ERCC6L2: variants seen among roughly 807,000 people sequenced by gnomAD.
The protein encoded by ERCC6L2 is ERCC excision repair 6 like 2, also known as DNA excision repair protein ERCC-6-like 2.
ERCC6L2 carries 77 observed loss-of-function variants against 132.0 expected under a neutral mutation model. The observed-to-expected ratio is 0.58, with a 90% CI of 0.49 to 0.71. The LOEUF (loss-of-function observed/expected upper bound fraction) is 0.71. ERCC6L2 is among the 30% of genes least tolerant of loss of function. ERCC6L2 has a pLI of 0.00. For synonymous variants in ERCC6L2, 583 were observed against 632.4 expected (o/e 0.92, Z 1.17); for missense variants, 1,542 against 1,837.6 (o/e 0.84, Z 2.94).
At chr9:95,927,460 G>A (rs1174694020) in intron 9 of ERCC6L2, among the ~76,000 whole-genome samples, 2 of 152,132 alleles carry the variant, frequency 1.3e-5, no homozygotes, top group Non-Finnish European at 2.9e-5. Flanking sequence ...TTATACACAA[G>A]GCTTTGGACT....
In ERCC6L2 at chr9:95,897,833, A is replaced by G; in HGVS notation, c.472-16A>G. ...ATACATTATACACAGTGATTGAAAA[A>G]GTCTTTTTTCCCCAGGTTATTTCAT... On this transcript the variant is annotated splice_polypyrimidine_tract_variant and intron_variant, in intron 2 of 18. Transcript: ENST00000653738. 1 of 1,611,964 alleles carries G rather than the reference A, an allele frequency of 6.2e-7. No individual in the cohort carries two copies. The highest frequency in any genetic ancestry group is 8.5e-7 in the Non-Finnish European group (1 of 1,179,162).
At chr9:95,980,731 A>G (rs961016631) in intron 17 of ERCC6L2, among the ~76,000 whole-genome samples, 4 of 152,182 alleles carry the variant, frequency 2.6e-5, no homozygotes, top group Non-Finnish European at 4.4e-5. Flanking sequence ...CAGTTTTGAA[A>G]AAAATTAAAA....
intron 2 of ERCC6L2, among the ~76,000 whole-genome samples, chr9:95,888,210 A>G (rs1432374674): frequency 1.3e-5 from 2 of 151,910 alleles, no homozygotes; most frequent in Non-Finnish European, 2.9e-5. Flanking sequence ...GAAATAGACA[A>G]TTTTTGCTAT....
At chr9:95,963,472 T>G (rs542867492) in intron 13 of ERCC6L2, among the ~76,000 whole-genome samples, 1 of 152,134 alleles carries the variant, frequency 6.6e-6, no homozygotes, top group African/African-American at 2.4e-5. Flanking sequence ...AAAAACCAGT[T>G]TTATGCATTC....
At chr9:96,031,866 T>C (rs1474030709) in intron 19 of ERCC6L2, among the ~76,000 whole-genome samples, 1 of 152,202 alleles carries the variant, frequency 6.6e-6, no homozygotes, top group Non-Finnish European at 1.5e-5. Flanking sequence ...GGGCACATCC[T>C]GAGTGGCCGT....
At chr9:95,995,843 T>C (rs187540200) in intron 17 of ERCC6L2, among the ~76,000 whole-genome samples, 43 of 152,356 alleles carry the variant, frequency 2.8e-4, no homozygotes, top group Non-Finnish European at 4.9e-4. Flanking sequence ...ACTTAATAAA[T>C]GTGTGTGTTC....
At chr9:95,931,722 C>G (rs1365127126) in intron 11 of ERCC6L2, among the ~76,000 whole-genome samples, 1 of 151,854 alleles carries the variant, frequency 6.6e-6, no homozygotes, top group Non-Finnish European at 1.5e-5. Context: ...TTTTTGGGAA[C>G]TCGTAAGAGT....
At chr9:95,934,154 A>G (rs1830460593) in intron 11 of ERCC6L2, among the ~76,000 whole-genome samples, 1 of 152,208 alleles carries the variant, frequency 6.6e-6, no homozygotes, top group Non-Finnish European at 1.5e-5. Context: ...GAGGAAGAGA[A>G]AGAAAATCAT....
Position 95,883,429 on chromosome 9 carries a change from A to G in ERCC6L2, c.471+2136A>G, listed in dbSNP as rs185899502. 1.7e-3 allele frequency among the ~76,000 whole-genome samples: 263 copies of G among 152,340 alleles called. 1 individual carries two copies. The highest frequency in any genetic ancestry group is 6.0e-3 in the African/African-American group (250 of 41,586). ...TAACGCCATCTGTGACCAAGATTAC[A>G]GATGAGTACTAGAGGAAAATTAATA... is the stretch of plus-strand genomic sequence containing the variant. On this transcript the variant is annotated intron_variant, in intron 2 of 18. Transcript: ENST00000653738.
In ERCC6L2 at chr9:95,876,030, C is replaced by A. The variant is rs371970239; in HGVS notation, c.-9C>A. The A allele has an allele frequency of 2.5e-6, 4 of 1,588,110 alleles. No homozygotes were observed. The South Asian group carries it at 3.4e-5, about 14-fold the overall frequency. ...CATGCAGCCGGGCTCGGCCCCTCCC[C>A]CTGGCCGGATGGATCCGTCGGCGCC... On this transcript the variant is annotated 5_prime_UTR_variant, in exon 1 of 19. Coordinates refer to ENST00000653738, the MANE Select transcript of ERCC6L2 (RefSeq NM_020207.7).
At chr9:95,982,573 C>G (rs1832934250) in intron 17 of ERCC6L2, among the ~76,000 whole-genome samples, 1 of 152,026 alleles carries the variant, frequency 6.6e-6, no homozygotes, top group Non-Finnish European at 1.5e-5. Context: ...ATGGTTTCAG[C>G]ATGTAACTCT....
rs143757114 is a variant in ERCC6L2, at chr9:95,943,090, A to G, written c.1847+1541A>G. On this transcript the variant is annotated intron_variant, in intron 12 of 18. Coordinates refer to ENST00000653738, the MANE Select transcript of ERCC6L2 (RefSeq NM_020207.7). Reference sequence around the variant, plus strand: ...CTATATGTGAAAGAAAATTATTTTGAGTTGTATTTACAATTTGTGGCTAAA... The same window carrying G: ...CTATATGTGAAAGAAAATTATTTTGGGTTGTATTTACAATTTGTGGCTAAA... Among the ~76,000 whole-genome samples, 929 of 152,266 alleles carry G rather than the reference A, an allele frequency of 6.1e-3. 4 individuals carry two copies. The highest frequency in any genetic ancestry group is 0.014 in the Middle Eastern group (4 of 294).
chr9:95,886,076 C>T (rs997326902), intron 2 of ERCC6L2, among the ~76,000 whole-genome samples: 1 of 152,046 alleles, frequency 6.6e-6, no homozygotes, highest in Non-Finnish European at 1.5e-5. Context: ...AGTGCAGTAG[C>T]GAGATCTCGG....
chr9:96,025,087 C>G (rs1412602941), intron 19 of ERCC6L2, among the ~76,000 whole-genome samples: 3 of 152,174 alleles, frequency 2.0e-5, no homozygotes, highest in African/African-American at 7.2e-5. Context: ...CTTCTTAGGT[C>G]TTCTAGAGAA....
intron 12 of ERCC6L2, among the ~76,000 whole-genome samples, chr9:95,943,725 A>G (rs1830915435): frequency 6.6e-6 from 1 of 152,228 alleles, no homozygotes. Context: ...TACAAGATAT[A>G]TAAGTGGCCA....
chr9:95,876,219 C>T (rs1827259299), intron 1 of ERCC6L2, 135 bp downstream of exon 1: 7 of 758,860 alleles, frequency 9.2e-6, no homozygotes, highest in South Asian at 2.0e-5. Context: ...TTGTGAACCC[C>T]TCCAGGCCTG....
chr9:95,945,331 T>C (rs1441109071), intron 12 of ERCC6L2, among the ~76,000 whole-genome samples: 2 of 152,246 alleles, frequency 1.3e-5, no homozygotes, highest in African/African-American at 4.8e-5. Flanking sequence ...TTATCTCTCC[T>C]GTTCCCTGAA....
intron 3 of ERCC6L2, chr9:95,906,814 T>G: frequency 2.0e-6 from 1 of 509,708 alleles, no homozygotes; most frequent in Non-Finnish European, 3.7e-6. Context: ...TCAGTGCCTT[T>G]TTGGTAGGGG....
intron 9 of ERCC6L2, among the ~76,000 whole-genome samples, chr9:95,925,833 G>A (rs62562968): frequency 0.12 from 18,429 of 152,000 alleles, 1,236 homozygotes; most frequent in African/African-American, 0.17. Context: ...GAAAATATTA[G>A]CAAAACAATA....
Sources: allele counts gnomAD v4.1 joint callset (sites outside exome capture counted in the v4.1 genomes callset), GRCh38; gene constraint gnomAD v4.1.1; transcripts MANE v1.5; gene names NCBI Gene and HGNC (gene_info 2026-07-23, HGNC 2026-07-21).